Variants in ARHGAP40 observed in about 807,000 individuals in gnomAD.
ARHGAP40 encodes rho GTPase-activating protein 40.
A neutral mutation model predicts 73.5 loss-of-function variants in ARHGAP40; 43 were observed. That is an observed-to-expected ratio of 0.58 (90% CI 0.46 to 0.75). The LOEUF is 0.75. Ranked by LOEUF, ARHGAP40 falls within the 30% of genes least tolerant of loss-of-function variation. ARHGAP40 has a pLI of 0.00. For missense variants in ARHGAP40, 734 were observed against 861.8 expected, an observed-to-expected ratio of 0.85 and a Z score of 1.86; for synonymous variants, 300 against 352.8, an observed-to-expected ratio of 0.85 and a Z score of 1.68.
chr20:38,613,121 C>G (rs923011967), intron 1 of ARHGAP40, among the ~76,000 whole-genome samples: 2 of 152,218 alleles, frequency 1.3e-5, no homozygotes, highest in African/African-American at 2.4e-5. Flanking sequence ...GAGACCTCCT[C>G]ATTTTCAAAT....
At chr20:38,634,309 G>A (rs2088959643) in intron 5 of ARHGAP40, among the ~76,000 whole-genome samples, 1 of 152,178 alleles carries the variant, frequency 6.6e-6, no homozygotes, top group Non-Finnish European at 1.5e-5. Context: ...CAGTGTTCAT[G>A]CCACTGTACG....
exon 1 of ARHGAP40, chr20:38,601,845 A>G: frequency 8.0e-7 from 1 of 1,251,024 alleles, no homozygotes; most frequent in Admixed American, 2.4e-5. Context: ...TGGGTGCGCC[A>G]CGGGGGCCCT....
At chr20:38,624,180 C>T (rs1482124484) in intron 2 of ARHGAP40, among the ~76,000 whole-genome samples, 1 of 152,160 alleles carries the variant, frequency 6.6e-6, no homozygotes, top group East Asian at 1.9e-4. Flanking sequence ...CAAAAGATTT[C>T]TCATCTATGT....
At chr20:38,611,084 T>C (rs2088802136) in intron 1 of ARHGAP40, among the ~76,000 whole-genome samples, 1 of 152,088 alleles carries the variant, frequency 6.6e-6, no homozygotes, top group South Asian at 2.1e-4. Flanking sequence ...GAGATGGGGT[T>C]TCACCATGTT....
rs745925129 is a variant in ARHGAP40, at chr20:38,648,618, T to C, written c.1881-25T>C. ...TCCAGAAGAAAAAGGCAGTAGTTTT[T>C]TTTTTCTCTCTCTCTGTTTTACAGC... On this transcript the variant is annotated intron_variant, in intron 13 of 14. Coordinates refer to ENST00000373345, the Ensembl canonical transcript of ARHGAP40. The C allele has an allele frequency of 6.9e-6, 9 of 1,297,640 alleles. No homozygotes were observed. In the South Asian group the frequency reaches 1.1e-4, roughly 16 times the overall value. The allele number at this position is 1,297,640 out of a possible 1,614,324, so 80.4% of individuals were successfully genotyped here.
At chr20:38,606,164 C>T (rs985565979) in intron 1 of ARHGAP40, among the ~76,000 whole-genome samples, 6 of 152,166 alleles carry the variant, frequency 3.9e-5, no homozygotes, top group Admixed American at 2.6e-4. Flanking sequence ...CCTGCCCTTA[C>T]GTTATCCTCT....
At chr20:38,608,301 A>G (rs566176227) in intron 1 of ARHGAP40, among the ~76,000 whole-genome samples, 116 of 151,838 alleles carry the variant, frequency 7.6e-4, no homozygotes, top group African/African-American at 2.7e-3. Context: ...CCAGACATTC[A>G]CTGACTTGTT....
At chr20:38,650,017 T>C in exon 15 of ARHGAP40, 1 of 412,918 alleles carries the variant, frequency 2.4e-6, no homozygotes, top group South Asian at 2.0e-5. Flanking sequence ...GACTCAGGGG[T>C]GGTGCTCTCT....
At chr20:38,602,128 G>A (rs1569005069) in intron 1 of ARHGAP40, 49 bp downstream of exon 1, 1 of 1,248,852 alleles carries the variant, frequency 8.0e-7, no homozygotes, top group African/African-American at 1.5e-5. Flanking sequence ...CTATGCACCA[G>A]GGGCATGTGC....
chr20:38,615,366 T>G lies in ARHGAP40; in HGVS notation c.138-7993T>G. ...GGTACTTCCACTGGTAAACCAGGGT[T>G]AAAAGGCCCCAGGTACCCACCCCAA... On this transcript the variant is annotated intron_variant, in intron 1 of 14. Coordinates refer to ENST00000373345, the Ensembl canonical transcript of ARHGAP40. 5.3e-6 allele frequency: 4 copies of G among 755,574 alleles called. No individual in the cohort carries two copies. In the South Asian group the frequency reaches 5.5e-5, roughly 10 times the overall value. The allele number at this position is 755,574 out of a possible 1,614,324, so 46.8% of individuals were successfully genotyped here.
intron 5 of ARHGAP40, among the ~76,000 whole-genome samples, chr20:38,632,709 C>T (rs533081565): frequency 8.5e-5 from 13 of 152,204 alleles, no homozygotes; most frequent in East Asian, 1.9e-4. Context: ...GGCATGGTGG[C>T]GCACACCTGT....
At chr20:38,638,523 G>A (rs541207402) in intron 7 of ARHGAP40, among the ~76,000 whole-genome samples, 5 of 152,204 alleles carry the variant, frequency 3.3e-5, no homozygotes, top group East Asian at 3.9e-4. Context: ...TTCAACATCT[G>A]TAAATTGGGA....
rs1371776878 is a variant in ARHGAP40 at position 38,629,418 on chromosome 20, G to A, written c.635-84G>A. 5 of 1,258,146 alleles carry A rather than the reference G, an allele frequency of 4.0e-6. No homozygotes were observed. The African/African-American group carries it at 6.2e-5, about 16-fold the overall frequency. The allele number at this position is 1,258,146 out of a possible 1,614,324, so 77.9% of individuals were successfully genotyped here. A position where few individuals can be genotyped will look rare whatever the true frequency, so the allele number is the denominator to read the frequency against. On this transcript the variant is annotated intron_variant, in intron 4 of 14. Transcript: ENST00000373345. ...TTGGGAGCTCACTTCTTAGGACTAAGGGCCTAAGTCCCGAACCCAAGCACT... is the reference window on the plus strand; with the variant it reads ...TTGGGAGCTCACTTCTTAGGACTAAAGGCCTAAGTCCCGAACCCAAGCACT...
intron 1 of ARHGAP40, among the ~76,000 whole-genome samples, chr20:38,617,826 C>T (rs2088851330): frequency 6.6e-6 from 1 of 152,184 alleles, no homozygotes; most frequent in Non-Finnish European, 1.5e-5. Context: ...ATATATTGAT[C>T]AAACTAACAT....
At chr20:38,617,347 G>A (rs966562923) in intron 1 of ARHGAP40, among the ~76,000 whole-genome samples, 1 of 152,208 alleles carries the variant, frequency 6.6e-6, no homozygotes, top group Non-Finnish European at 1.5e-5. Context: ...CCTTGGGAAA[G>A]GCCTTTGCTC....
rs548354593 is a variant in ARHGAP40, at chr20:38,630,839, T to A, written c.783+1189T>A. On this transcript the variant is annotated intron_variant, in intron 5 of 14. Coordinates refer to ENST00000373345, the Ensembl canonical transcript of ARHGAP40. ...ATAACCACTATTCTGACTTCTCTCA[T>A]GGAGTAAATATAGTCTTTCACAGTC... 3.3e-5 allele frequency among the ~76,000 whole-genome samples: 5 copies of A among 152,294 alleles called. No individual in the cohort carries two copies. In the East Asian group the frequency reaches 9.7e-4, roughly 29 times the overall value.
intron 1 of ARHGAP40, among the ~76,000 whole-genome samples, chr20:38,616,739 G>C (rs893866352): frequency 1.1e-4 from 17 of 152,298 alleles, no homozygotes; most frequent in South Asian, 4.1e-4. Flanking sequence ...GTGTTTCTCA[G>C]CCAGAATGAT....
chr20:38,626,633 C>T (rs1459292798), intron 2 of ARHGAP40, among the ~76,000 whole-genome samples: 1 of 152,226 alleles, frequency 6.6e-6, no homozygotes, highest in African/African-American at 2.4e-5. Flanking sequence ...CACCATGTGA[C>T]CCTGTAGTGG....
At chr20:38,635,613 T>C (rs941625053) in intron 6 of ARHGAP40, among the ~76,000 whole-genome samples, 1 of 152,122 alleles carries the variant, frequency 6.6e-6, no homozygotes, top group Non-Finnish European at 1.5e-5. Flanking sequence ...CAGTGAGCCT[T>C]GATCATGCCA....
Sources: allele counts gnomAD v4.1 joint callset (sites outside exome capture counted in the v4.1 genomes callset), GRCh38; gene constraint gnomAD v4.1.1; transcripts MANE v1.5; gene names NCBI Gene and HGNC (gene_info 2026-07-23, HGNC 2026-07-21).